The following USP47 variants were observed in gnomAD, a reference collection of about 807,000 sequenced individuals.
The protein encoded by USP47 is ubiquitin specific peptidase 47, also known as ubiquitin carboxyl-terminal hydrolase 47.
In USP47, 35 loss-of-function variants were observed where a neutral mutation model predicts 165.1. The ratio of observed to expected loss-of-function variants is 0.21; its 90% CI spans 0.16 to 0.28. The LOEUF (loss-of-function observed/expected upper bound fraction) is 0.28. USP47 is among the 10% of genes least tolerant of loss of function. The probability of loss-of-function intolerance (pLI) is 1.00; values close to 1 mark genes in which losing one functional copy is unlikely to be tolerated. For missense variants in USP47, 1,277 were observed against 1,607.4 expected (o/e 0.79, Z 3.52); for synonymous variants, 531 against 544.5 (o/e 0.98, Z 0.35).
At chr11:11,876,143 C>T (rs1000541635) in intron 1 of USP47, among the ~76,000 whole-genome samples, 2 of 152,064 alleles carry the variant, frequency 1.3e-5, no homozygotes, top group Non-Finnish European at 2.9e-5. Context: ...TTGTAGAAAA[C>T]TTTGTCCTCT....
intron 1 of USP47, among the ~76,000 whole-genome samples, chr11:11,848,785 ATTT>A (rs1052549031): frequency 6.6e-6 from 1 of 151,662 alleles, no homozygotes; most frequent in African/African-American, 2.4e-5. Flanking sequence ...AATTTTTTGT[ATTT>A]TTAGTAGAGA....
intron 8 of USP47, among the ~76,000 whole-genome samples, chr11:11,912,883 A>G (rs886247976): frequency 2.6e-5 from 4 of 152,146 alleles, no homozygotes; most frequent in Admixed American, 6.6e-5. Context: ...ATAATCTTCC[A>G]TATTAACGAG....
chr11:11,859,873 G>A (rs1357276802), intron 1 of USP47, among the ~76,000 whole-genome samples: 2 of 152,056 alleles, frequency 1.3e-5, no homozygotes, highest in Admixed American at 1.3e-4. Context: ...GGAGGCCGAG[G>A]CAGGCGAATC....
rs181833497 is a variant in USP47, at chr11:11,900,294, G to C, written c.594-2421G>C. On this transcript the variant is annotated intron_variant, in intron 5 of 27. Coordinates refer to ENST00000527733, the MANE Select transcript of USP47 (RefSeq NM_001282659.2). ...TCCTGCCTCAGCCTCCCAAGTAGCT[G>C]GGACTACAGGCGCCAGCCACCTCGC... 4.2e-3 allele frequency among the ~76,000 whole-genome samples: 638 copies of C among 151,570 alleles called. 4 individuals are homozygous for C. Among genetic ancestry groups the C allele is most frequent in the African/African-American group, 0.014 (577 of 41,300 alleles).
chr11:11,956,793 A>G lies in USP47; in HGVS notation c.*618A>G, dbSNP rs1564898929. The stretch of plus-strand genomic sequence containing the variant: ...TAAGAACATTATTCTGGAACATCAG[A>G]ACGTTTCCCTTAGACCGATCCCAGC... On this transcript the variant is annotated 3_prime_UTR_variant, in exon 28 of 28. Coordinates refer to ENST00000527733, the MANE Select transcript of USP47 (RefSeq NM_001282659.2). 6.6e-6 allele frequency: 1 copy of G among 152,630 alleles called. No homozygotes were observed. The highest frequency in any genetic ancestry group is 1.5e-5 in the Non-Finnish European group (1 of 68,080). The allele number at this position is 152,630 out of a possible 1,614,324, so 9.5% of individuals were successfully genotyped here.
chr11:11,864,001 T>C (rs1320800341), intron 1 of USP47, among the ~76,000 whole-genome samples: 2 of 152,036 alleles, frequency 1.3e-5, no homozygotes, highest in Non-Finnish European at 2.9e-5. Flanking sequence ...CTAATTGTAC[T>C]ACTATTATGG....
chr11:11,920,893 G>T (rs991444661), intron 10 of USP47, among the ~76,000 whole-genome samples: 3 of 151,820 alleles, frequency 2.0e-5, no homozygotes, highest in African/African-American at 7.2e-5. Context: ...ATGATGGAAT[G>T]AATGAACCAA....
chr11:11,853,668 A>C (rs927256609), intron 1 of USP47, among the ~76,000 whole-genome samples: 4 of 152,192 alleles, frequency 2.6e-5, no homozygotes, highest in Non-Finnish European at 5.9e-5. Flanking sequence ...TCATTTAATG[A>C]AACTAAACTG....
At chr11:11,900,896 G>T (rs749261846) in intron 5 of USP47, among the ~76,000 whole-genome samples, 3 of 152,144 alleles carry the variant, frequency 2.0e-5, no homozygotes, top group Admixed American at 6.5e-5. Flanking sequence ...TACCACACAA[G>T]AAATTTGAGC....
chr11:11,888,353 A>G (rs112532709), intron 3 of USP47, among the ~76,000 whole-genome samples: 19,450 of 152,128 alleles, frequency 0.13, 1,587 homozygotes, highest in Middle Eastern at 0.39. Flanking sequence ...AATCAAATAA[A>G]CACAATCAGA....
At chr11:11,923,082 A>ATATG (rs1564881530) in intron 11 of USP47, among the ~76,000 whole-genome samples, 191 bp downstream of exon 11, 2 of 129,176 alleles carry the variant, frequency 1.5e-5, no homozygotes, top group African/African-American at 6.0e-5. Flanking sequence ...ATATATATAT[A>ATATG]TATGACTATA....
At chr11:11,936,242 G>A (rs1261563736) in intron 16 of USP47, 61 bp from the exon 17 acceptor site, 3 of 797,304 alleles carry the variant, frequency 3.8e-6, no homozygotes, top group Non-Finnish European at 5.0e-6. Context: ...ATTTATATAT[G>A]TATATATATA....
chr11:11,940,812 A>AT lies in USP47; in HGVS notation c.2313+276dup, dbSNP rs912431294. Reference sequence around the variant, plus strand: ...GGAGTGTTCTTCCTCCTCTCCCTGCATTTTTTTTTTTTCAGTCTCCAGATT... The same window carrying AT: ...GGAGTGTTCTTCCTCCTCTCCCTGCATTTTTTTTTTTTTCAGTCTCCAGATT... On this transcript the variant is annotated intron_variant, in intron 19 of 27. Coordinates refer to ENST00000527733, the MANE Select transcript of USP47 (RefSeq NM_001282659.2). Among the ~76,000 whole-genome samples the AT allele has an allele frequency of 6.2e-3, 821 of 131,502 alleles. 8 individuals carry two copies. The highest frequency in any genetic ancestry group is 0.019 in the African/African-American group (675 of 35,602). 86.3% of individuals were successfully genotyped at this position (131,502 alleles called of 152,430 possible). A position where few individuals can be genotyped will look rare whatever the true frequency, so the allele number is the denominator to read the frequency against.
At chr11:11,845,330 C>G (rs1156929209) in intron 1 of USP47, among the ~76,000 whole-genome samples, 2 of 152,146 alleles carry the variant, frequency 1.3e-5, no homozygotes, top group Non-Finnish European at 2.9e-5. Flanking sequence ...GTGCTGCCCC[C>G]TCCTTCCTGT....
chr11:11,952,815 G>T lies in USP47; in HGVS notation c.3658G>T (p.Asp1220Tyr). Residue 1220 changes from aspartate to tyrosine, a missense_variant, in exon 25 of 28, where the codon GAT (aspartate) becomes TAT (tyrosine). Asp to Tyr is a radical substitution (Grantham distance 160). Transcript: ENST00000527733. ...RRWKPSEMKL[D>Y]PFQEVVLESS... The stretch of plus-strand genomic sequence containing the variant: ...GTGGAAGCCTTCAGAGATGAAGTTG[G>T]ATCCCTTCCAGGAGGTTGTATTGGA... The T allele has an allele frequency of 6.2e-7, 1 of 1,613,162 alleles. No individual in the cohort carries two copies. The highest frequency in any genetic ancestry group is 1.7e-5 in the Admixed American group (1 of 59,978).
intron 8 of USP47, among the ~76,000 whole-genome samples, chr11:11,912,231 C>G (rs1189083867): frequency 6.6e-6 from 1 of 151,634 alleles, no homozygotes; most frequent in Non-Finnish European, 1.5e-5. Context: ...GCCGAGAAAT[C>G]AGTAACATTG....
At position 11,897,091 on chromosome 11, in the gene USP47, C is replaced by G. The variant is rs140814830; in HGVS notation, c.497-506C>G. Among the ~76,000 whole-genome samples, 991 of 149,512 alleles carry G rather than the reference C, an allele frequency of 6.6e-3. 6 individuals carry two copies. Among genetic ancestry groups the G allele is most frequent in the Admixed American group, 0.011 (159 of 14,832 alleles). On this transcript the variant is annotated intron_variant, in intron 4 of 27. Transcript: ENST00000527733. ...GAGTTTGCATGTAGTGAATTTATCT[C>G]GTATGTTATTCATTCTTACAGAAAT... is the stretch of plus-strand genomic sequence containing the variant.
chr11:11,952,526 T>C (rs1590466680), intron 24 of USP47: 1 of 347,826 alleles, frequency 2.9e-6, no homozygotes, highest in East Asian at 6.0e-5. Flanking sequence ...GAGTACTGGT[T>C]TGAAGAAGAG....
At chr11:11,896,949 A>G (rs953953676) in intron 4 of USP47, among the ~76,000 whole-genome samples, 13 of 152,020 alleles carry the variant, frequency 8.6e-5, no homozygotes, top group African/African-American at 2.7e-4. Flanking sequence ...TCCTATAAGT[A>G]CAGATGGTGT....
Sources: gnomAD v4.1 joint callset for allele counts (sites outside exome capture counted in the v4.1 genomes callset) on GRCh38, gnomAD v4.1.1 for gene constraint, MANE v1.5 for transcripts, NCBI Gene and HGNC (gene_info 2026-07-23, HGNC 2026-07-21) for gene names.